The following SAMMSON variants were observed in gnomAD, a reference collection of about 807,000 sequenced individuals.
SAMMSON encodes the protein long intergenic non-protein coding RNA 1212.
downstream of SAMMSON, among the ~76,000 whole-genome samples, chr3:70,390,390 C>T (rs906246082): frequency 1.3e-5 from 2 of 151,958 alleles, no homozygotes. Flanking sequence ...AAGAAAATAC[C>T]TGAGACTGGA....
At chr3:70,266,259 G>A (rs1701916250) in intron 6 of SAMMSON, among the ~76,000 whole-genome samples, 3 of 151,846 alleles carry the variant, frequency 2.0e-5, no homozygotes, top group Non-Finnish European at 4.4e-5. Flanking sequence ...GACCTATTAT[G>A]ACTTATATTT....
chr3:70,285,827 C>T (rs747272587), intron 6 of SAMMSON, among the ~76,000 whole-genome samples: 1 of 152,164 alleles, frequency 6.6e-6, no homozygotes, highest in South Asian at 2.1e-4. Flanking sequence ...AGCATTTAAT[C>T]ATGTGTTTTT....
chr3:70,290,925 C>A (rs189654558), intron 6 of SAMMSON, among the ~76,000 whole-genome samples: 3 of 152,146 alleles, frequency 2.0e-5, no homozygotes, highest in Non-Finnish European at 4.4e-5. Flanking sequence ...GGATGGCGCA[C>A]GGTGCGCGCA....
At chr3:70,050,969 C>G (rs901846418) in intron 3 of SAMMSON, among the ~76,000 whole-genome samples, 1 of 151,308 alleles carries the variant, frequency 6.6e-6, no homozygotes, top group Admixed American at 6.6e-5. Context: ...AACCCCATCT[C>G]TACTAAAAAT....
At chr3:70,428,565 G>A (rs541305588) in intron 2 of SAMMSON, among the ~76,000 whole-genome samples, 2 of 152,320 alleles carry the variant, frequency 1.3e-5, no homozygotes, top group East Asian at 1.9e-4. Flanking sequence ...ATGCTAATGC[G>A]AGTGTTGTAT....
chr3:70,301,160 A>T (rs1424380608), intron 7 of SAMMSON, among the ~76,000 whole-genome samples: 1 of 152,206 alleles, frequency 6.6e-6, no homozygotes, highest in Non-Finnish European at 1.5e-5. Flanking sequence ...GCTGTAAAAA[A>T]TTTAAGTTAA....
At chr3:70,206,570 A>G (rs961206007) in intron 4 of SAMMSON, 3 of 397,596 alleles carry the variant, frequency 7.5e-6, no homozygotes, top group Non-Finnish European at 1.3e-5. Flanking sequence ...GAAACATACC[A>G]TCAGTGTCTC....
At chr3:70,043,858 CAATGAAGCTTTTAA>C (rs2067114424) in intron 3 of SAMMSON, among the ~76,000 whole-genome samples, 1 of 151,654 alleles carries the variant, frequency 6.6e-6, no homozygotes, top group South Asian at 2.1e-4. Flanking sequence ...TTTACATTAG[CAATGAAGCTTTTAA>C]AATTCTAGAT....
chr3:70,324,727 A>G (rs1024197929), intron 7 of SAMMSON, among the ~76,000 whole-genome samples: 3 of 152,116 alleles, frequency 2.0e-5, no homozygotes, highest in African/African-American at 7.2e-5. Flanking sequence ...GTGCAGTGTA[A>G]TTCATTCCAG....
At chr3:70,149,197 G>A (rs991405675) in intron 4 of SAMMSON, among the ~76,000 whole-genome samples, 1 of 152,020 alleles carries the variant, frequency 6.6e-6, no homozygotes, top group African/African-American at 2.4e-5. Flanking sequence ...TTTCCAATAG[G>A]TGTTTAGTTT....
intron 7 of SAMMSON, among the ~76,000 whole-genome samples, chr3:70,318,114 A>C (rs772394820): frequency 1.1e-4 from 17 of 151,686 alleles, no homozygotes; most frequent in Non-Finnish European, 2.1e-4. Context: ...TTTTTAGTCT[A>C]CTTGGGTTTT....
At chr3:70,370,272 A>G (rs140006492) in intron 9 of SAMMSON, among the ~76,000 whole-genome samples, 171 of 152,148 alleles carry the variant, frequency 1.1e-3, no homozygotes, top group African/African-American at 4.1e-3. Flanking sequence ...TGCAATAAAC[A>G]TGTGGATGTA....
At chr3:70,384,877 G>A (rs548077347) in intron 9 of SAMMSON, among the ~76,000 whole-genome samples, 188 of 152,158 alleles carry the variant, frequency 1.2e-3, no homozygotes, top group African/African-American at 4.4e-3. Flanking sequence ...TATTTGTGCT[G>A]TCCAGTAAGG....
chr3:70,078,687 C>T (rs540936213), intron 4 of SAMMSON, among the ~76,000 whole-genome samples: 1 of 152,102 alleles, frequency 6.6e-6, no homozygotes, highest in Non-Finnish European at 1.5e-5. Context: ...TGATCAATAC[C>T]CCTGCAAATC....
intron 7 of SAMMSON, among the ~76,000 whole-genome samples, chr3:70,331,194 T>C (rs1702619060): frequency 6.6e-6 from 1 of 152,198 alleles, no homozygotes; most frequent in Non-Finnish European, 1.5e-5. Context: ...TGTAACATTA[T>C]GTTTATTTCC....
chr3:70,332,524 A>G (rs893939774), intron 7 of SAMMSON, among the ~76,000 whole-genome samples: 1 of 152,172 alleles, frequency 6.6e-6, no homozygotes, highest in Non-Finnish European at 1.5e-5. Flanking sequence ...TACTTAAAAT[A>G]GATCAGTAGT....
intron 4 of SAMMSON, among the ~76,000 whole-genome samples, chr3:70,131,071 T>C (rs2067480564): frequency 6.6e-6 from 1 of 152,168 alleles, no homozygotes; most frequent in African/African-American, 2.4e-5. Context: ...TAAAATAGGG[T>C]ACTTTTTGAC....
intron 3 of SAMMSON, among the ~76,000 whole-genome samples, chr3:70,071,211 C>A (rs2067228148): frequency 6.6e-6 from 1 of 152,000 alleles, no homozygotes; most frequent in Non-Finnish European, 1.5e-5. Context: ...TTTATACGTG[C>A]ATCTGTGCAT....
intron 4 of SAMMSON, among the ~76,000 whole-genome samples, chr3:70,154,959 C>T (rs960296628): frequency 2.0e-5 from 3 of 150,368 alleles, no homozygotes; most frequent in Non-Finnish European, 3.0e-5. Flanking sequence ...TGTTTTAGGA[C>T]AGCAAAGGAA....
Sources: allele counts gnomAD v4.1 joint callset (sites outside exome capture counted in the v4.1 genomes callset), GRCh38; gene constraint gnomAD v4.1.1; transcripts MANE v1.5; gene names NCBI Gene and HGNC (gene_info 2026-07-23, HGNC 2026-07-21).